ADAMTSL1: variants seen among roughly 807,000 people sequenced by gnomAD.
The protein encoded by ADAMTSL1 is ADAMTS like 1, also known as ADAMTS-like protein 1.
A neutral mutation model predicts 201.8 loss-of-function variants in ADAMTSL1; 126 were observed. The ratio of observed to expected loss-of-function variants is 0.62; its 90% CI spans 0.54 to 0.72. ADAMTSL1 has a LOEUF of 0.72. ADAMTSL1 is among the 30% of genes least tolerant of loss of function. The pLI is 0.00. For synonymous variants in ADAMTSL1, 1,121 were observed against 903.4 expected (o/e 1.24, Z -4.32); for missense variants, 2,679 against 2,277.8 (o/e 1.18, Z -3.59).
chr9:18,258,094 C>A lies in ADAMTSL1; in HGVS notation c.207+94113C>A, dbSNP rs1831763299. ...ACGTACGTAAAGCTGCTAAGTTGTA[C>A]TCTTAAAAATAGGTAAAATGGCAAA... On this transcript the variant is annotated intron_variant, in intron 2 of 29. Transcript: ENST00000680146. Among the ~76,000 whole-genome samples the A allele has an allele frequency of 1.3e-5, 2 of 152,036 alleles. 1 individual carries two copies. Among genetic ancestry groups the A allele is most frequent in the South Asian group, 4.1e-4 (2 of 4,822 alleles).
At chr9:18,502,372 T>C (rs1266606091) in intron 1 of ADAMTSL1, among the ~76,000 whole-genome samples, 1 of 152,248 alleles carries the variant, frequency 6.6e-6, no homozygotes, top group Non-Finnish European at 1.5e-5. Flanking sequence ...AGGAAAATAC[T>C]GCACCTCTCT....
intron 2 of ADAMTSL1, among the ~76,000 whole-genome samples, chr9:18,448,200 G>A (rs185542258): frequency 5.1e-4 from 77 of 152,268 alleles, no homozygotes; most frequent in African/African-American, 1.8e-3. Context: ...TGATTTTGTT[G>A]AGCTGCTCAG....
At chr9:18,517,243 C>T (rs958285855) in intron 2 of ADAMTSL1, among the ~76,000 whole-genome samples, 2 of 152,094 alleles carry the variant, frequency 1.3e-5, no homozygotes, top group African/African-American at 2.4e-5. Flanking sequence ...AGGCAGCAAT[C>T]CCCCGGCCCC....
upstream of ADAMTSL1, among the ~76,000 whole-genome samples, chr9:18,469,391 G>A (rs1472524242): frequency 6.6e-6 from 1 of 152,130 alleles, no homozygotes; most frequent in Admixed American, 6.5e-5. Context: ...ATATCAGTTG[G>A]GATTCTGTTG....
Position 18,795,019 on chromosome 9 carries a change from T to G in ADAMTSL1, c.3678-378T>G, listed in dbSNP as rs77422533. Among the ~76,000 whole-genome samples the G allele has an allele frequency of 6.0e-3, 918 of 152,344 alleles. 10 individuals are homozygous for G. Among genetic ancestry groups the G allele is most frequent in the South Asian group, 0.047 (225 of 4,822 alleles). On this transcript the variant is annotated intron_variant, in intron 19 of 28. Coordinates refer to ENST00000380548, the MANE Select transcript of ADAMTSL1 (RefSeq NM_001040272.6). The stretch of plus-strand genomic sequence containing the variant: ...AAGCTCCACTTCTCTTTTGTAACTT[T>G]GCTTTTTCCTTAATAAGCCTTCCCC...
At chr9:18,711,535 C>T (rs561070302) in intron 14 of ADAMTSL1, among the ~76,000 whole-genome samples, 4 of 152,336 alleles carry the variant, frequency 2.6e-5, no homozygotes, top group South Asian at 4.1e-4. Flanking sequence ...TGCGCTTTTC[C>T]GACGGGCTTA....
chr9:18,039,167 A>T (rs1222886909), intron 1 of ADAMTSL1, among the ~76,000 whole-genome samples: 1 of 152,200 alleles, frequency 6.6e-6, no homozygotes, highest in Non-Finnish European at 1.5e-5. Context: ...TTAGGAACAA[A>T]CTGTGTTGCA....
intron 1 of ADAMTSL1, among the ~76,000 whole-genome samples, chr9:17,990,337 A>G (rs1000595729): frequency 6.6e-6 from 1 of 152,002 alleles, no homozygotes; most frequent in African/African-American, 2.4e-5. Context: ...CCACATCCTT[A>G]ATCACTGAAG....
At chr9:18,197,591 C>G (rs568021075) in intron 2 of ADAMTSL1, among the ~76,000 whole-genome samples, 112 of 146,708 alleles carry the variant, frequency 7.6e-4, no homozygotes, top group African/African-American at 1.6e-3. Flanking sequence ...TGAGACAATG[C>G]GGTTTTCTAG....
chr9:18,014,466 C>T (rs918642018), intron 1 of ADAMTSL1, among the ~76,000 whole-genome samples: 1 of 151,968 alleles, frequency 6.6e-6, no homozygotes, highest in Non-Finnish European at 1.5e-5. Flanking sequence ...AACAACTCAA[C>T]CTAGAATTAT....
intron 1 of ADAMTSL1, among the ~76,000 whole-genome samples, chr9:18,143,323 G>A (rs749595700): frequency 8.5e-5 from 13 of 152,258 alleles, no homozygotes; most frequent in Middle Eastern, 3.4e-3. Context: ...TGGTCAATTG[G>A]TTCTAATTGA....
chr9:18,828,579 A>G (rs1314245714), intron 22 of ADAMTSL1, among the ~76,000 whole-genome samples: 2 of 149,264 alleles, frequency 1.3e-5, no homozygotes, highest in African/African-American at 2.5e-5. Context: ...TGACAGAGGC[A>G]TGGCTCAAAC....
chr9:18,598,797 A>G (rs561456557), intron 4 of ADAMTSL1, among the ~76,000 whole-genome samples: 3 of 152,236 alleles, frequency 2.0e-5, no homozygotes, highest in African/African-American at 7.2e-5. Context: ...TTATAAATGC[A>G]CTTGAGTACC....
At chr9:18,518,080 G>T (rs1347223255) in intron 2 of ADAMTSL1, among the ~76,000 whole-genome samples, 1 of 152,038 alleles carries the variant, frequency 6.6e-6, no homozygotes, top group African/African-American at 2.4e-5. Flanking sequence ...CAAGCATGTT[G>T]CTAGATTCTG....
chr9:18,837,906 C>T (rs952401799), intron 23 of ADAMTSL1, among the ~76,000 whole-genome samples: 2 of 152,118 alleles, frequency 1.3e-5, no homozygotes, highest in Non-Finnish European at 2.9e-5. Flanking sequence ...TGACATATTC[C>T]CTGTTTCTAA....
intron 2 of ADAMTSL1, among the ~76,000 whole-genome samples, chr9:18,419,011 TA>T (rs1282130188): frequency 1.3e-5 from 2 of 152,186 alleles, no homozygotes; most frequent in Non-Finnish European, 2.9e-5. Flanking sequence ...TGTAACAGAA[TA>T]AAAAGTTCAG....
intron 1 of ADAMTSL1, among the ~76,000 whole-genome samples, chr9:18,018,595 C>A (rs905470738): frequency 1.3e-5 from 2 of 151,944 alleles, no homozygotes; most frequent in African/African-American, 4.8e-5. Flanking sequence ...TAGAGATGCC[C>A]GTGTATTAAG....
At chr9:17,939,877 G>T (rs548190829) in intron 1 of ADAMTSL1, among the ~76,000 whole-genome samples, 5 of 152,154 alleles carry the variant, frequency 3.3e-5, no homozygotes, top group Non-Finnish European at 7.4e-5. Flanking sequence ...GGACATGAAG[G>T]GGGGAGCAAA....
At chr9:18,627,991 G>GT (rs1336004335) in intron 5 of ADAMTSL1, among the ~76,000 whole-genome samples, 1 of 152,086 alleles carries the variant, frequency 6.6e-6, no homozygotes, top group African/African-American at 2.4e-5. Flanking sequence ...TATATACTAG[G>GT]TACAAGTCCT....
Sources: gnomAD v4.1 joint callset for allele counts (sites outside exome capture counted in the v4.1 genomes callset) on GRCh38, gnomAD v4.1.1 for gene constraint, MANE v1.5 for transcripts, NCBI Gene and HGNC (gene_info 2026-07-23, HGNC 2026-07-21) for gene names.